INTS6: variants seen among roughly 807,000 people sequenced by gnomAD.
The protein encoded by INTS6 is DEAD box protein.
Under a neutral mutation model 104.9 loss-of-function variants are expected in INTS6, and 16 were observed. That is an observed-to-expected ratio of 0.15 (90% confidence interval 0.10 to 0.23). The LOEUF (loss-of-function observed/expected upper bound fraction) is 0.23. INTS6 is among the 10% of genes least tolerant of loss of function. The pLI is 1.00. For missense variants in INTS6, 584 were observed against 1,062.8 expected (o/e 0.55, Z 6.26); for synonymous variants, 324 against 358.7 (o/e 0.90, Z 1.09).
rs915018501 is a variant in INTS6, at chr13:51,364,554, A to G, written c.*1198T>C. On this transcript the variant is annotated 3_prime_UTR_variant, in exon 18 of 18. Coordinates refer to ENST00000311234, the MANE Select transcript of INTS6 (RefSeq NM_012141.3). ...AGTGATCATGAATGGTGAGTGAGTC[A>G]GGCCATAAGATTGCTTCCTCAGTAC... is the stretch of plus-strand genomic sequence containing the variant. 3.1e-6 allele frequency: 1 copy of G among 318,578 alleles called. No individual in the cohort carries two copies. Among genetic ancestry groups the G allele is most frequent in the Non-Finnish European group, 5.7e-6 (1 of 175,828 alleles). The allele number at this position is 318,578 out of a possible 1,614,324, so 19.7% of individuals were successfully genotyped here.
the INTS6 span, among the ~76,000 whole-genome samples, chr13:51,336,516 A>G: frequency 1.3e-5 from 2 of 152,308 alleles, no homozygotes; most frequent in East Asian, 3.9e-4. Context: ...AAATAAAAAC[A>G]TATTTCTGGA....
intron 4 of INTS6, among the ~76,000 whole-genome samples, chr13:51,407,725 A>T (rs1566230793): frequency 6.6e-6 from 1 of 152,180 alleles, no homozygotes; most frequent in South Asian, 2.1e-4. Context: ...AGACGCATAC[A>T]TACACCATAA....
the INTS6 span, among the ~76,000 whole-genome samples, chr13:51,336,450 G>A: frequency 2.0e-5 from 3 of 152,114 alleles, no homozygotes; most frequent in Non-Finnish European, 2.9e-5. Flanking sequence ...TCGTGCCACC[G>A]CACTCCAGCC....
At chr13:51,347,961 C>CT in the INTS6 span, among the ~76,000 whole-genome samples, 1 of 152,068 alleles carries the variant, frequency 6.6e-6, no homozygotes, top group African/African-American at 2.4e-5. Flanking sequence ...CATCGTCCCC[C>CT]CCCCCATACC....
the INTS6 span, among the ~76,000 whole-genome samples, chr13:51,338,901 T>G: frequency 6.6e-6 from 1 of 152,272 alleles, no homozygotes; most frequent in African/African-American, 2.4e-5. Flanking sequence ...CATTCAGTTC[T>G]TCTTTAATCT....
intron 16 of INTS6, 95 bp downstream of exon 16, chr13:51,368,844 A>T: frequency 7.9e-7 from 1 of 1,258,846 alleles, no homozygotes; most frequent in South Asian, 1.5e-5. Context: ...AATCATATGT[A>T]TTCTTTTACT....
chr13:51,336,747 C>T, the INTS6 span, among the ~76,000 whole-genome samples: 2 of 152,198 alleles, frequency 1.3e-5, no homozygotes, highest in African/African-American at 4.8e-5. Flanking sequence ...GTATCATACA[C>T]CCACTTTGCA....
At chr13:51,449,662 G>T in intron 3 of INTS6, 1 of 984,834 alleles carries the variant, frequency 1.0e-6, no homozygotes, top group South Asian at 4.7e-5. Context: ...AACTCAAAGA[G>T]GTAAGGATGA....
At position 51,362,841 on chromosome 13, in the gene INTS6, G is replaced by A. The variant is rs1437726545; in HGVS notation, c.*2911C>T. Reference sequence around the variant, plus strand: ...GAAATCAAAGGAACATTTTTGTGACGAGAAAGATATAAACCATTCACTAGA... The same window carrying A: ...GAAATCAAAGGAACATTTTTGTGACAAGAAAGATATAAACCATTCACTAGA... On this transcript the variant is annotated 3_prime_UTR_variant, in exon 18 of 18. Transcript: ENST00000311234. 3 of 152,428 alleles carry A rather than the reference G, an allele frequency of 2.0e-5. No homozygotes were observed. The highest frequency in any genetic ancestry group is 3.9e-4 in the East Asian group (2 of 5,180). 9.4% of individuals were successfully genotyped at this position (152,428 alleles called of 1,614,324 possible). A position where few individuals can be genotyped will look rare whatever the true frequency, so the allele number is the denominator to read the frequency against.
At chr13:51,357,395 G>A (rs1311448516), downstream of INTS6, among the ~76,000 whole-genome samples, 1 of 152,134 alleles carries the variant, frequency 6.6e-6, no homozygotes, top group Non-Finnish European at 1.5e-5. Context: ...CAGAGACCTT[G>A]CCAGAGAGTA....
intron 3 of INTS6, chr13:51,441,903 C>T (rs1952805239): frequency 6.6e-6 from 1 of 151,896 alleles, no homozygotes. Flanking sequence ...TCACAGCAAC[C>T]TCCACCTCCT....
At chr13:51,440,773 TA>T (rs1432735167) in intron 3 of INTS6, 1 of 152,184 alleles carries the variant, frequency 6.6e-6, no homozygotes, top group Non-Finnish European at 1.5e-5. Flanking sequence ...AGCCTAGGGG[TA>T]TAGTCATCTA....
chr13:51,390,668 G>A (rs182600746), intron 5 of INTS6, among the ~76,000 whole-genome samples: 37 of 152,062 alleles, frequency 2.4e-4, no homozygotes, highest in African/African-American at 7.7e-4. Flanking sequence ...TACACTTAAC[G>A]TGATTTGTTA....
At chr13:51,411,615 G>A (rs1406429980) in intron 4 of INTS6, among the ~76,000 whole-genome samples, 2 of 151,822 alleles carry the variant, frequency 1.3e-5, no homozygotes, top group African/African-American at 4.8e-5. Flanking sequence ...AGTTACTTGG[G>A]AAATGCAAAC....
chr13:51,344,845 C>T, the INTS6 span, among the ~76,000 whole-genome samples: 1 of 152,176 alleles, frequency 6.6e-6, no homozygotes, highest in Admixed American at 6.5e-5. Flanking sequence ...TTATAATAAA[C>T]CACCTGTGAT....
intron 3 of INTS6, chr13:51,447,522 A>G (rs1341208790): frequency 1.3e-5 from 2 of 152,136 alleles, no homozygotes; most frequent in African/African-American, 2.4e-5. Context: ...CAAAAAATTA[A>G]GCACATATTT....
chr13:51,432,853 T>C (rs916787102), intron 3 of INTS6, among the ~76,000 whole-genome samples: 11 of 152,224 alleles, frequency 7.2e-5, no homozygotes, highest in Non-Finnish European at 1.6e-4. Context: ...TGGTTACTAT[T>C]AAGTGTATGA....
the INTS6 span, among the ~76,000 whole-genome samples, chr13:51,348,026 G>T: frequency 6.6e-6 from 1 of 152,122 alleles, no homozygotes; most frequent in East Asian, 1.9e-4. Flanking sequence ...AAGACTCTAG[G>T]TCTAGGATTT....
At chr13:51,416,033 C>T (rs975884836) in intron 4 of INTS6, among the ~76,000 whole-genome samples, 3 of 152,088 alleles carry the variant, frequency 2.0e-5, no homozygotes, top group African/African-American at 7.2e-5. Context: ...GCTGGCAAAA[C>T]ATCATGAAAG....
Sources: gnomAD v4.1 joint callset for allele counts (sites outside exome capture counted in the v4.1 genomes callset) on GRCh38, gnomAD v4.1.1 for gene constraint, MANE v1.5 for transcripts, NCBI Gene and HGNC (gene_info 2026-07-23, HGNC 2026-07-21) for gene names.